Variants in SUMF1 observed in about 807,000 individuals in gnomAD.
SUMF1 encodes sulfatase modifying factor 1.
In SUMF1, 48 loss-of-function variants were observed where a neutral mutation model predicts 47.6. The ratio of observed to expected loss-of-function variants is 1.01; its 90% confidence interval spans 0.80 to 1.28. The LOEUF (loss-of-function observed/expected upper bound fraction) is 1.28. Among genes scored for constraint, SUMF1 ranks in the 50% most tolerant of loss-of-function variants. The pLI is 0.00. For missense variants in SUMF1, 571 were observed against 485.4 expected (o/e 1.18, Z -1.66); for synonymous variants, 230 against 192.1 (o/e 1.20, Z -1.63).
intron 8 of SUMF1, among the ~76,000 whole-genome samples, chr3:4,254,241 C>A (rs932828100): frequency 6.6e-6 from 1 of 151,964 alleles, no homozygotes; most frequent in Non-Finnish European, 1.5e-5. Flanking sequence ...TCCTCAACAG[C>A]AACGGAACAA....
intron 8 of SUMF1, among the ~76,000 whole-genome samples, chr3:4,187,993 G>C (rs879314831): frequency 6.6e-6 from 1 of 151,794 alleles, no homozygotes; most frequent in Admixed American, 6.6e-5. Context: ...TATTTTTTTA[G>C]AGCACTTTTG....
chr3:4,358,094 T>G (rs556739285), downstream of SUMF1, among the ~76,000 whole-genome samples: 2 of 152,296 alleles, frequency 1.3e-5, no homozygotes, highest in African/African-American at 4.8e-5. Context: ...GAAGCATCTA[T>G]GCAGCCCATT....
At chr3:4,109,273 A>G (rs889692847) in intron 8 of SUMF1, among the ~76,000 whole-genome samples, 1 of 152,086 alleles carries the variant, frequency 6.6e-6, no homozygotes, top group Admixed American at 6.5e-5. Context: ...TCTGGCTTGT[A>G]GAGTTTCTGC....
At chr3:4,053,261 C>T (rs765806619) in intron 9 of SUMF1, among the ~76,000 whole-genome samples, 32 of 152,040 alleles carry the variant, frequency 2.1e-4, no homozygotes, top group East Asian at 5.8e-4. Context: ...CAAGATTTAT[C>T]GATTAAGTTT....
downstream of SUMF1, among the ~76,000 whole-genome samples, chr3:4,356,584 T>C (rs902914731): frequency 6.6e-6 from 1 of 151,020 alleles, no homozygotes; most frequent in Non-Finnish European, 1.5e-5. Context: ...ATACAATTTT[T>C]TTTTTTTGCT....
intron 9 of SUMF1, among the ~76,000 whole-genome samples, chr3:4,035,756 T>C (rs187255111): frequency 4.5e-4 from 68 of 152,266 alleles, no homozygotes; most frequent in Middle Eastern, 6.8e-3. Context: ...AAATATTTTG[T>C]AGGGTTGTTG....
chr3:4,207,345 C>T (rs1695676182), intron 8 of SUMF1, among the ~76,000 whole-genome samples: 1 of 152,072 alleles, frequency 6.6e-6, no homozygotes, highest in African/African-American at 2.4e-5. Context: ...CATTGCACTG[C>T]CTCGAATGTC....
At chr3:4,453,778 C>A (rs1356540070) in intron 1 of SUMF1, among the ~76,000 whole-genome samples, 1 of 152,054 alleles carries the variant, frequency 6.6e-6, no homozygotes, top group African/African-American at 2.4e-5. Context: ...AGGTGATCCA[C>A]CCGCCTCGGC....
At chr3:4,113,785 GGTCATCATGACCTTAAT>G (rs1693363941) in intron 8 of SUMF1, among the ~76,000 whole-genome samples, 1 of 151,916 alleles carries the variant, frequency 6.6e-6, no homozygotes. Context: ...CAGGAAAAAA[GGTCATCATGACCTTAAT>G]GTGGGGTAGG....
At chr3:4,216,218 G>C (rs1695920589) in intron 8 of SUMF1, among the ~76,000 whole-genome samples, 1 of 152,140 alleles carries the variant, frequency 6.6e-6, no homozygotes, top group African/African-American at 2.4e-5. Context: ...ACAGAACAGA[G>C]GCCTCAGAAA....
chr3:4,106,671 C>T (rs187027292), intron 8 of SUMF1, among the ~76,000 whole-genome samples: 43 of 152,050 alleles, frequency 2.8e-4, no homozygotes, highest in Non-Finnish European at 4.7e-4. Flanking sequence ...GTAGTCAAAC[C>T]CTGGAGAAAT....
chr3:4,303,863 T>TAG, intron 8 of SUMF1: 2 of 1,311,046 alleles, frequency 1.5e-6, no homozygotes, highest in Non-Finnish European at 2.0e-6. Context: ...CAGGTGTCTC[T>TAG]CACAGGTAGG....
At chr3:4,257,848 C>G (rs1696990534) in intron 8 of SUMF1, among the ~76,000 whole-genome samples, 1 of 151,492 alleles carries the variant, frequency 6.6e-6, no homozygotes, top group South Asian at 2.1e-4. Context: ...ATCACGCTAC[C>G]TGACTTCAAA....
intron 1 of SUMF1, among the ~76,000 whole-genome samples, chr3:4,464,276 C>T (rs915588452): frequency 2.0e-5 from 3 of 148,712 alleles, no homozygotes; most frequent in Non-Finnish European, 3.0e-5. Flanking sequence ...CAAATGTGGC[C>T]TTTTTTTTTT....
chr3:4,179,935 AT>A (rs1377689867), intron 8 of SUMF1, among the ~76,000 whole-genome samples: 42 of 152,344 alleles, frequency 2.8e-4, no homozygotes, highest in African/African-American at 8.9e-4. Context: ...CAAAAGACAC[AT>A]GAAAAAATTC....
chr3:4,382,613 A>C lies in SUMF1; in HGVS notation c.955-6224T>G, dbSNP rs369615593. 8.5e-4 allele frequency among the ~76,000 whole-genome samples: 129 copies of C among 152,332 alleles called. 2 individuals carry two copies. The South Asian group carries it at 0.015, about 18-fold the overall frequency. On this transcript the variant is annotated intron_variant, in intron 7 of 8. Transcript: ENST00000272902. ...ATAAATCATTCTGCTATAAAGACAC[A>C]TGCACACATATGTTTATTGTGGCAC...
intron 8 of SUMF1, among the ~76,000 whole-genome samples, chr3:4,136,268 C>A (rs1223605021): frequency 2.0e-5 from 3 of 152,026 alleles, no homozygotes; most frequent in Non-Finnish European, 2.9e-5. Context: ...GTACTGGTAC[C>A]AAAACAGAGA....
At chr3:4,340,286 C>G (rs1699244280) in intron 8 of SUMF1, among the ~76,000 whole-genome samples, 1 of 152,194 alleles carries the variant, frequency 6.6e-6, no homozygotes, top group Non-Finnish European at 1.5e-5. Flanking sequence ...ACTGTACCCA[C>G]ACAAAGCCTC....
chr3:4,466,175 G>T (rs544777574), intron 1 of SUMF1, among the ~76,000 whole-genome samples: 1 of 151,964 alleles, frequency 6.6e-6, no homozygotes, highest in Non-Finnish European at 1.5e-5. Flanking sequence ...GCAGTGGCAA[G>T]ATCTCGGCTC....
Sources: allele counts gnomAD v4.1 joint callset (sites outside exome capture counted in the v4.1 genomes callset), GRCh38; gene constraint gnomAD v4.1.1; transcripts MANE v1.5; gene names NCBI Gene and HGNC (gene_info 2026-07-23, HGNC 2026-07-21).